Variants in JARID2 observed in about 807,000 individuals in gnomAD.
JARID2 encodes the protein jumonji and AT-rich interaction domain containing 2.
A neutral mutation model predicts 125.6 loss-of-function variants in JARID2; 21 were observed. That is an observed-to-expected ratio of 0.17 (90% CI 0.12 to 0.24). The LOEUF is 0.24. Ranked by LOEUF, JARID2 falls within the 10% of genes least tolerant of loss-of-function variation. The pLI, the probability that JARID2 is intolerant of heterozygous loss-of-function variation, is 1.00. For synonymous variants in JARID2, 736 were observed against 661.6 expected, an observed-to-expected ratio of 1.11 and a Z score of -1.73; for missense variants, 1,303 against 1,639.6, an observed-to-expected ratio of 0.79 and a Z score of 3.55.
intron 11 of JARID2, 117 bp downstream of exon 11, chr6:15,507,533 C>A: frequency 1.3e-6 from 1 of 753,064 alleles, no homozygotes; most frequent in Non-Finnish European, 2.3e-6. Flanking sequence ...CGTCTTCAGG[C>A]TTACAGGACA....
intron 2 of JARID2, among the ~76,000 whole-genome samples, chr6:15,382,447 A>G (rs1764627346): frequency 6.6e-6 from 1 of 152,108 alleles, no homozygotes; most frequent in East Asian, 1.9e-4. Flanking sequence ...GGGTCAGCAA[A>G]TATTTGACTG....
intron 2 of JARID2, among the ~76,000 whole-genome samples, chr6:15,384,466 C>T (rs1030525865): frequency 6.6e-6 from 1 of 151,204 alleles, no homozygotes; most frequent in South Asian, 2.1e-4. Context: ...TGTCCGCTTG[C>T]CCCTTCTTCC....
At chr6:15,377,077 T>C (rs1468155216) in intron 2 of JARID2, among the ~76,000 whole-genome samples, 2 of 152,244 alleles carry the variant, frequency 1.3e-5, no homozygotes, top group African/African-American at 4.8e-5. Flanking sequence ...ACTCATGTCC[T>C]ATCTCATAGA....
intron 6 of JARID2, among the ~76,000 whole-genome samples, chr6:15,489,144 G>A (rs1444076711): frequency 6.6e-6 from 1 of 152,234 alleles, no homozygotes; most frequent in Non-Finnish European, 1.5e-5. Flanking sequence ...TACACCATGT[G>A]ACTGCATCCT....
chr6:15,485,306 A>G lies in JARID2; in HGVS notation c.671-2001A>G, dbSNP rs183927921. On this transcript the variant is annotated intron_variant, in intron 5 of 17. Coordinates refer to ENST00000341776, the MANE Select transcript of JARID2 (RefSeq NM_004973.4). ...GAGATCTCCATCTTATACCATGACA[A>G]TTGGACTAAAGAATTAAATCCAAGC... Among the ~76,000 whole-genome samples, 116 of 152,314 alleles carry G rather than the reference A, an allele frequency of 7.6e-4. 1 individual carries two copies. The highest frequency in any genetic ancestry group is 2.1e-3 in the South Asian group (10 of 4,820).
At chr6:15,311,345 A>C (rs1164765973) in intron 1 of JARID2, among the ~76,000 whole-genome samples, 1 of 152,184 alleles carries the variant, frequency 6.6e-6, no homozygotes. Context: ...TGGGAGGCCA[A>C]GGCGGGCTGA....
At chr6:15,300,722 TGAGAGAGAGAGA>T (rs57766040) in intron 1 of JARID2, among the ~76,000 whole-genome samples, 4 of 111,118 alleles carry the variant, frequency 3.6e-5, no homozygotes, top group African/African-American at 1.1e-4. Flanking sequence ...TGTGTGTGTG[TGAGAGAGAGAGA>T]GAGAGAGAGA....
At chr6:15,432,677 C>T (rs1221269839) in intron 3 of JARID2, among the ~76,000 whole-genome samples, 1 of 152,190 alleles carries the variant, frequency 6.6e-6, no homozygotes, top group Non-Finnish European at 1.5e-5. Flanking sequence ...AAGTTATTTA[C>T]TTGGGCTAGA....
At chr6:15,377,133 AG>A (rs1455667369) in intron 2 of JARID2, among the ~76,000 whole-genome samples, 1 of 152,146 alleles carries the variant, frequency 6.6e-6, no homozygotes, top group Non-Finnish European at 1.5e-5. Context: ...GGTTAGTGGG[AG>A]TGGAAGCAGG....
chr6:15,422,659 T>G (rs1216917650), intron 3 of JARID2, among the ~76,000 whole-genome samples: 2 of 152,122 alleles, frequency 1.3e-5, no homozygotes, highest in African/African-American at 2.4e-5. Context: ...TGGCTGTGTC[T>G]CCCCACTTCT....
At chr6:15,480,960 T>C (rs1006732509) in intron 5 of JARID2, among the ~76,000 whole-genome samples, 7 of 152,260 alleles carry the variant, frequency 4.6e-5, no homozygotes, top group African/African-American at 1.7e-4. Flanking sequence ...GAACATTGTT[T>C]AGGACAAGCT....
At chr6:15,267,026 A>G (rs1285481972) in intron 1 of JARID2, among the ~76,000 whole-genome samples, 1 of 152,186 alleles carries the variant, frequency 6.6e-6, no homozygotes, top group African/African-American at 2.4e-5. Context: ...CATTGTAGGC[A>G]TTCTCTTCCA....
At chr6:15,481,842 A>G (rs574891741) in intron 5 of JARID2, among the ~76,000 whole-genome samples, 63 of 152,300 alleles carry the variant, frequency 4.1e-4, no homozygotes, top group African/African-American at 1.4e-3. Flanking sequence ...TCTCATCAAA[A>G]TATTCTTTAG....
At chr6:15,400,235 G>C (rs1206768668) in intron 2 of JARID2, among the ~76,000 whole-genome samples, 1 of 151,894 alleles carries the variant, frequency 6.6e-6, no homozygotes, top group Non-Finnish European at 1.5e-5. Context: ...GGGCAGCGGT[G>C]GCCCATGCGG....
chr6:15,482,810 A>G (rs1164129467), intron 5 of JARID2, among the ~76,000 whole-genome samples: 1 of 152,222 alleles, frequency 6.6e-6, no homozygotes, highest in Non-Finnish European at 1.5e-5. Flanking sequence ...ATACTGTTAC[A>G]TTAATATCCA....
chr6:15,409,972 T>C (rs931912695), intron 2 of JARID2, among the ~76,000 whole-genome samples: 2 of 152,238 alleles, frequency 1.3e-5, no homozygotes, highest in African/African-American at 2.4e-5. Context: ...AGTATAGTGT[T>C]ACAGTTCCAA....
intron 3 of JARID2, among the ~76,000 whole-genome samples, chr6:15,450,859 C>G (rs1195658594): frequency 2.0e-5 from 3 of 152,258 alleles, no homozygotes; most frequent in Admixed American, 6.5e-5. Flanking sequence ...TAAAAAAGAA[C>G]AAACTGGGCT....
intron 1 of JARID2, among the ~76,000 whole-genome samples, chr6:15,308,813 T>C (rs908775795): frequency 6.6e-6 from 1 of 152,250 alleles, no homozygotes; most frequent in Non-Finnish European, 1.5e-5. Flanking sequence ...GAAATTGGTT[T>C]TCTTATATTT....
chr6:15,457,574 G>A (rs958329197), intron 4 of JARID2, among the ~76,000 whole-genome samples: 2 of 150,890 alleles, frequency 1.3e-5, no homozygotes, highest in Non-Finnish European at 3.0e-5. Flanking sequence ...ACACCTGGAA[G>A]TGATGTTTGT....
Sources: gnomAD v4.1 joint callset for allele counts (sites outside exome capture counted in the v4.1 genomes callset) on GRCh38, gnomAD v4.1.1 for gene constraint, MANE v1.5 for transcripts, NCBI Gene and HGNC (gene_info 2026-07-23, HGNC 2026-07-21) for gene names.